Variants in HLTF observed in about 807,000 individuals in gnomAD.
The protein encoded by HLTF is DNA-dependent ATPase/E3 ubiquitin-protein ligase HLTF.
In HLTF, 127 loss-of-function variants were observed where a neutral mutation model predicts 129.4. The observed-to-expected ratio is 0.98, with a 90% CI of 0.85 to 1.14. The LOEUF (loss-of-function observed/expected upper bound fraction) is 1.14. Ranked by LOEUF, HLTF falls within the 50% of genes most tolerant of loss-of-function variation. The pLI is 0.00. For missense variants in HLTF, 1,139 were observed against 1,187.1 expected, an observed-to-expected ratio of 0.96 and a Z score of 0.60; for synonymous variants, 332 against 388.8, an observed-to-expected ratio of 0.85 and a Z score of 1.72.
Position 149,071,666 on chromosome 3 carries a change from A to T in HLTF, c.628-9T>A. The T allele has an allele frequency of 6.8e-7, 1 of 1,460,494 alleles. No homozygotes were observed. Among genetic ancestry groups the T allele is most frequent in the Admixed American group, 1.8e-5 (1 of 55,274 alleles). 90.5% of individuals were successfully genotyped at this position (1,460,494 alleles called of 1,614,324 possible). A position where few individuals can be genotyped will look rare whatever the true frequency, so the allele number is the denominator to read the frequency against. The stretch of plus-strand genomic sequence containing the variant: ...TCAAATTCTGTTTTAAGCTACAATA[A>T]ACAGCAACAAGAAACAATGTAAAAC... On this transcript the variant is annotated splice_polypyrimidine_tract_variant and intron_variant, in intron 5 of 24. Coordinates refer to ENST00000310053, the MANE Select transcript of HLTF (RefSeq NM_003071.4).
chr3:149,082,969 T>C (rs1719999857), intron 2 of HLTF, among the ~76,000 whole-genome samples: 1 of 152,184 alleles, frequency 6.6e-6, no homozygotes, highest in Non-Finnish European at 1.5e-5. Context: ...ATAATGAACG[T>C]GGCTGGGCGC....
chr3:149,057,575 G>C (rs984848636), intron 13 of HLTF, among the ~76,000 whole-genome samples: 1 of 152,176 alleles, frequency 6.6e-6, no homozygotes, highest in Non-Finnish European at 1.5e-5. Context: ...GGGGGCCCTG[G>C]AACCAAATCC....
At chr3:149,047,245 A>G (rs988711612) in intron 17 of HLTF, among the ~76,000 whole-genome samples, 25 of 152,242 alleles carry the variant, frequency 1.6e-4, no homozygotes, top group African/African-American at 4.8e-4. Context: ...CTGAGTTTTA[A>G]TTTATGTTCT....
chr3:149,082,454 G>A (rs111289086), intron 2 of HLTF, among the ~76,000 whole-genome samples: 4,171 of 151,986 alleles, frequency 0.027, 206 homozygotes, highest in African/African-American at 0.096. Flanking sequence ...GCGAGACTCC[G>A]TCTCAAAAAA....
rs114001266 is a variant in HLTF, at chr3:149,062,276, T to C, written c.1160+1155A>G. Among the ~76,000 whole-genome samples, 753 of 152,300 alleles carry C rather than the reference T, an allele frequency of 4.9e-3. 6 individuals carry two copies. The highest frequency in any genetic ancestry group is 0.018 in the African/African-American group (731 of 41,530). ...TGTCCTCACCATTATTATTTCTATG[T>C]CCTTTAATCTGATCTTGTCCAATTA... On this transcript the variant is annotated intron_variant, in intron 10 of 24. Coordinates refer to ENST00000310053, the MANE Select transcript of HLTF (RefSeq NM_003071.4).
intron 2 of HLTF, among the ~76,000 whole-genome samples, chr3:149,080,604 A>T (rs1719788878): frequency 6.6e-6 from 1 of 152,166 alleles, no homozygotes; most frequent in Non-Finnish European, 1.5e-5. Context: ...TAACCAAAAT[A>T]AAAAAGCAGG....
intron 14 of HLTF, among the ~76,000 whole-genome samples, chr3:149,052,718 A>T (rs1359345868): frequency 6.6e-6 from 1 of 152,246 alleles, no homozygotes; most frequent in Non-Finnish European, 1.5e-5. Context: ...GAAAATGCAA[A>T]GAATTTCTTA....
Position 149,074,291 on chromosome 3 carries a change from C to T in HLTF, c.453G>A (p.Trp151Ter). 1 of 1,613,392 alleles carries T rather than the reference C, an allele frequency of 6.2e-7. No individual in the cohort carries two copies. Among genetic ancestry groups the T allele is most frequent in the Non-Finnish European group, 8.5e-7 (1 of 1,179,674 alleles). Reference protein sequence around the residue: ...AFTMPLHMTFWGKEENRKAVS... With the variant: ...AFTMPLHMTF ...CCGCTTTTCTATTTTCTTCTTTTCC[C>T]CAAAAAGTCATATGCAGAGGCATGG... The change falls in exon 4 of 25, where the codon TGG becomes TGA. Residue 151 changes from tryptophan to a stop codon, truncating the protein, a stop_gained. Transcript: ENST00000310053. LOFTEE classifies it high-confidence loss of function.
At chr3:149,068,066 G>A (rs186479315) in intron 8 of HLTF, among the ~76,000 whole-genome samples, 174 bp downstream of exon 8, 176 of 152,200 alleles carry the variant, frequency 1.2e-3, no homozygotes, top group African/African-American at 4.0e-3. Flanking sequence ...GTCTGAAAAC[G>A]TAAAAAGAAT....
intron 22 of HLTF, 59 bp downstream of exon 22, chr3:149,039,521 CA>C: frequency 1.3e-6 from 1 of 790,216 alleles, no homozygotes; most frequent in Non-Finnish European, 1.9e-6. Flanking sequence ...TTTTGCTATC[CA>C]AATCAATATG....
chr3:149,051,118 A>T (rs1006026102), intron 14 of HLTF, among the ~76,000 whole-genome samples: 1 of 152,090 alleles, frequency 6.6e-6, no homozygotes, highest in Non-Finnish European at 1.5e-5. Context: ...AACTAAGACA[A>T]GACTGATAGG....
In HLTF at chr3:149,048,039, T is replaced by C; in HGVS notation, c.1881A>G (p.Glu627=). ...CTGAAAGTACTTACCTAAGTCCTCC[T>C]TCATCTCCCATTGTGACAGGACGCT... ...TIQRPVTMGD[E]GGLRRLQSLI... Residue 627 remains glutamate (E), a synonymous_variant, in exon 17 of 25, where the codon GAA becomes GAG. Coordinates refer to ENST00000310053, the MANE Select transcript of HLTF (RefSeq NM_003071.4). 1.2e-6 allele frequency: 2 copies of C among 1,601,566 alleles called. No individual in the cohort carries two copies. Among genetic ancestry groups the C allele is most frequent in the Non-Finnish European group, 1.7e-6 (2 of 1,175,644 alleles).
At chr3:149,064,672 T>A in intron 9 of HLTF, 119 bp downstream of exon 9, 1 of 698,566 alleles carries the variant, frequency 1.4e-6, no homozygotes, top group Non-Finnish European at 2.5e-6. Flanking sequence ...TTTTGTACAG[T>A]ACAAAGCCAA....
chr3:149,081,571 T>TA (rs919523907), intron 2 of HLTF, among the ~76,000 whole-genome samples: 59 of 151,838 alleles, frequency 3.9e-4, no homozygotes, highest in African/African-American at 1.4e-3. Flanking sequence ...AGCTAATCAA[T>TA]AAAAAAGACA....
chr3:149,053,986 G>C (rs1269944176), intron 14 of HLTF, among the ~76,000 whole-genome samples: 1 of 151,952 alleles, frequency 6.6e-6, no homozygotes, highest in Admixed American at 6.6e-5. Flanking sequence ...CATTCTTCTG[G>C]TCCTAAGAGG....
At chr3:149,057,369 T>G (rs1717552174) in intron 13 of HLTF, among the ~76,000 whole-genome samples, 1 of 152,112 alleles carries the variant, frequency 6.6e-6, no homozygotes, top group Admixed American at 6.5e-5. Context: ...GAGGTTGCAG[T>G]GCGCCGTGAT....
rs531867697 is a variant in HLTF, at chr3:149,077,120, C to T, written c.229-1073G>A. Among the ~76,000 whole-genome samples the T allele has an allele frequency of 1.1e-4, 16 of 152,032 alleles. No homozygotes were observed. In the East Asian group the frequency reaches 2.7e-3, roughly 26 times the overall value. ...AAAATTAGCTGGGTGTGGTGGCACGCGCCTGTAGTCCTAGCTACTCGGGAG... is the reference window on the plus strand; with the variant it reads ...AAAATTAGCTGGGTGTGGTGGCACGTGCCTGTAGTCCTAGCTACTCGGGAG... On this transcript the variant is annotated intron_variant, in intron 2 of 24. Coordinates refer to ENST00000310053, the MANE Select transcript of HLTF (RefSeq NM_003071.4).
intron 2 of HLTF, among the ~76,000 whole-genome samples, chr3:149,080,525 G>A (rs1053346781): frequency 4.6e-5 from 7 of 152,074 alleles, no homozygotes; most frequent in South Asian, 4.1e-4. Flanking sequence ...TCTCCCAGTC[G>A]CCACCCCTCT....
intron 4 of HLTF, among the ~76,000 whole-genome samples, chr3:149,073,555 G>A (rs867355877): frequency 5.9e-5 from 9 of 152,046 alleles, no homozygotes; most frequent in Admixed American, 1.3e-4. Context: ...TTAGCAGAGC[G>A]TGATGGTGTG....
Sources: allele counts gnomAD v4.1 joint callset (sites outside exome capture counted in the v4.1 genomes callset), GRCh38; gene constraint gnomAD v4.1.1; transcripts MANE v1.5; gene names NCBI Gene and HGNC (gene_info 2026-07-23, HGNC 2026-07-21).